NPAS3: variants seen among roughly 807,000 people sequenced by gnomAD.
The protein encoded by NPAS3 is neuronal PAS domain-containing protein 3.
A neutral mutation model predicts 73.1 loss-of-function variants in NPAS3; 14 were observed. That is an observed-to-expected ratio of 0.19 (90% CI 0.13 to 0.30). The LOEUF is 0.30. Among genes scored for constraint, NPAS3 ranks in the 10% least tolerant of loss-of-function variants. The probability of loss-of-function intolerance (pLI) is 1.00; values close to 1 mark genes in which losing one functional copy is unlikely to be tolerated. For missense variants in NPAS3, 1,096 were observed against 1,250.0 expected (o/e 0.88, Z 1.86); for synonymous variants, 620 against 541.5 (o/e 1.14, Z -2.01).
chr14:33,687,598 A>G (rs1595441600), intron 6 of NPAS3, among the ~76,000 whole-genome samples: 1 of 152,228 alleles, frequency 6.6e-6, no homozygotes, highest in South Asian at 2.1e-4. Context: ...AATTAGGTAG[A>G]AACTTAATTG....
At chr14:33,264,882 C>G (rs2049113569) in intron 3 of NPAS3, among the ~76,000 whole-genome samples, 1 of 152,192 alleles carries the variant, frequency 6.6e-6, no homozygotes, top group Non-Finnish European at 1.5e-5. Context: ...AGGCCTCCAA[C>G]TGCACTTTGT....
intron 5 of NPAS3, among the ~76,000 whole-genome samples, chr14:33,561,431 T>C (rs1218606941): frequency 6.6e-6 from 1 of 152,262 alleles, no homozygotes; most frequent in East Asian, 1.9e-4. Context: ...TAATGCCTTT[T>C]GAAGAACATG....
chr14:33,272,878 C>T (rs539462068), intron 3 of NPAS3, among the ~76,000 whole-genome samples: 5 of 152,250 alleles, frequency 3.3e-5, no homozygotes, highest in South Asian at 2.1e-4. Flanking sequence ...AAAAAAGAAT[C>T]GAAATCTCTT....
At chr14:33,544,933 A>T (rs1310956190) in intron 4 of NPAS3, among the ~76,000 whole-genome samples, 1 of 148,460 alleles carries the variant, frequency 6.7e-6, no homozygotes, top group African/African-American at 2.5e-5. Context: ...TTCTTATTTT[A>T]AAATGGTCAT....
chr14:33,648,243 G>A (rs1233889584), intron 5 of NPAS3, among the ~76,000 whole-genome samples: 1 of 152,128 alleles, frequency 6.6e-6, no homozygotes, highest in Non-Finnish European at 1.5e-5. Context: ...TGCTATCATG[G>A]GTGTGACCAG....
chr14:32,979,703 T>C (rs1204557723), intron 1 of NPAS3, among the ~76,000 whole-genome samples: 2 of 152,172 alleles, frequency 1.3e-5, no homozygotes. Context: ...ACAATGAATA[T>C]TTAAAGAAAG....
chr14:33,511,569 G>C (rs2053054984), intron 4 of NPAS3, among the ~76,000 whole-genome samples: 1 of 152,008 alleles, frequency 6.6e-6, no homozygotes. Flanking sequence ...TATCCTCTTT[G>C]GTGGTTAGAT....
intron 5 of NPAS3, among the ~76,000 whole-genome samples, chr14:33,587,173 C>T (rs376534968): frequency 6.6e-6 from 1 of 152,126 alleles, no homozygotes; most frequent in South Asian, 2.1e-4. Context: ...TCCCAAATAA[C>T]TTTAGTCTGT....
intron 7 of NPAS3, among the ~76,000 whole-genome samples, chr14:33,759,476 C>T (rs182635428): frequency 1.5e-3 from 222 of 152,264 alleles, no homozygotes; most frequent in African/African-American, 5.1e-3. Context: ...CTTGCCCCAT[C>T]GCAGAGCATT....
At chr14:33,077,009 C>T (rs2138688678) in intron 2 of NPAS3, among the ~76,000 whole-genome samples, 1 of 152,224 alleles carries the variant, frequency 6.6e-6, no homozygotes, top group Non-Finnish European at 1.5e-5. Context: ...TGTTGAGCAC[C>T]TACCAGGTAC....
chr14:33,313,592 A>C (rs1380476261), intron 3 of NPAS3, among the ~76,000 whole-genome samples: 1 of 152,090 alleles, frequency 6.6e-6, no homozygotes, highest in Non-Finnish European at 1.5e-5. Flanking sequence ...GTTATAACAA[A>C]AATTCAGTGT....
intron 3 of NPAS3, among the ~76,000 whole-genome samples, chr14:33,364,030 T>C (rs539586556): frequency 6.6e-6 from 1 of 151,838 alleles, no homozygotes; most frequent in Admixed American, 6.6e-5. Context: ...AACAAATAAA[T>C]GAAATATGTC....
intron 3 of NPAS3, among the ~76,000 whole-genome samples, chr14:33,255,421 C>T (rs887014157): frequency 6.6e-6 from 1 of 152,094 alleles, no homozygotes; most frequent in African/African-American, 2.4e-5. Context: ...TATTTTAGTA[C>T]TAATTATAAT....
chr14:33,447,933 G>T (rs116491511), intron 4 of NPAS3, among the ~76,000 whole-genome samples: 1,654 of 152,182 alleles, frequency 0.011, 30 homozygotes, highest in African/African-American at 0.037. Flanking sequence ...AACAAAAACA[G>T]AAGGATTAAG....
chr14:33,605,709 C>T (rs573449453), intron 5 of NPAS3, among the ~76,000 whole-genome samples: 3 of 152,224 alleles, frequency 2.0e-5, no homozygotes, highest in East Asian at 1.9e-4. Flanking sequence ...AACTATAGAA[C>T]ATTGTTGAAG....
chr14:33,698,252 C>T (rs2060439870), intron 6 of NPAS3, among the ~76,000 whole-genome samples: 1 of 152,164 alleles, frequency 6.6e-6, no homozygotes, highest in Admixed American at 6.5e-5. Context: ...AACATATGAC[C>T]TCCAGAATTT....
chr14:33,778,316 C>G lies in NPAS3; in HGVS notation c.1047-150C>G, dbSNP rs114844243. 549 of 522,970 alleles carry G rather than the reference C, an allele frequency of 1.0e-3. 2 individuals carry two copies. Among genetic ancestry groups the G allele is most frequent in the African/African-American group, 7.8e-3 (410 of 52,330 alleles). The allele number at this position is 522,970 out of a possible 1,614,324, so 32.4% of individuals were successfully genotyped here. A position where few individuals can be genotyped will look rare whatever the true frequency, so the allele number is the denominator to read the frequency against. ...GACTGTTACGTGTTAAAGAAATAATCTTATGTATAAAGGGTTTCCCTCACA... is the reference window on the plus strand; with the variant it reads ...GACTGTTACGTGTTAAAGAAATAATGTTATGTATAAAGGGTTTCCCTCACA... On this transcript the variant is annotated intron_variant, in intron 8 of 11. Transcript: ENST00000356141.
chr14:32,939,410 CCCGCCGCCG>C, intron 1 of NPAS3, 44 bp downstream of exon 1: 5 of 592,278 alleles, frequency 8.4e-6, no homozygotes, highest in East Asian at 4.5e-5. Context: ...GGCCGCTGCT[CCCGCCGCCG>C]CCGCCTCCGC....
chr14:33,175,526 G>A (rs964748944), intron 2 of NPAS3, among the ~76,000 whole-genome samples: 1 of 152,080 alleles, frequency 6.6e-6, no homozygotes, highest in Non-Finnish European at 1.5e-5. Context: ...ATGGTTATAG[G>A]AAAAATTCAC....
Sources: allele counts gnomAD v4.1 joint callset (sites outside exome capture counted in the v4.1 genomes callset), GRCh38; gene constraint gnomAD v4.1.1; transcripts MANE v1.5; gene names NCBI Gene and HGNC (gene_info 2026-07-23, HGNC 2026-07-21).